The following LARP4B variants were observed in gnomAD, a reference collection of about 807,000 sequenced individuals.
The protein encoded by LARP4B is La ribonucleoprotein 4B.
In LARP4B, 12 loss-of-function variants were observed where a neutral mutation model predicts 89.8. The ratio of observed to expected loss-of-function variants is 0.13; its 90% CI spans 0.09 to 0.22. The LOEUF (loss-of-function observed/expected upper bound fraction) is 0.22, where lower values mean the gene tolerates loss of function less well. Among genes scored for constraint, LARP4B ranks in the 10% least tolerant of loss-of-function variants. The pLI, the probability that LARP4B is intolerant of heterozygous loss-of-function variation, is 1.00. For synonymous variants in LARP4B, 367 were observed against 363.3 expected, an observed-to-expected ratio of 1.01 and a Z score of -0.12; for missense variants, 757 against 947.7, an observed-to-expected ratio of 0.80 and a Z score of 2.64.
chr10:872,090 ATGT>A (rs1022313306), intron 3 of LARP4B, among the ~76,000 whole-genome samples: 2 of 152,142 alleles, frequency 1.3e-5, no homozygotes, highest in Non-Finnish European at 2.9e-5. Flanking sequence ...GTCACTGTCC[ATGT>A]TGTTATTTAA....
At chr10:906,755 A>G (rs1836503479) in intron 1 of LARP4B, among the ~76,000 whole-genome samples, 1 of 152,180 alleles carries the variant, frequency 6.6e-6, no homozygotes. Flanking sequence ...CTGATAACCA[A>G]TCTCTCTTAT....
the LARP4B span, among the ~76,000 whole-genome samples, chr10:968,055 A>T: frequency 6.6e-6 from 1 of 152,092 alleles, no homozygotes; most frequent in South Asian, 2.1e-4. Flanking sequence ...ATCCCCTCAT[A>T]TGTGTGGTTC....
the LARP4B span, among the ~76,000 whole-genome samples, chr10:978,004 C>T: frequency 1.3e-5 from 2 of 152,156 alleles, no homozygotes; most frequent in African/African-American, 4.8e-5. Flanking sequence ...TACCCTATCC[C>T]ATAGGCTATT....
At chr10:979,284 T>C in the LARP4B span, among the ~76,000 whole-genome samples, 1 of 152,326 alleles carries the variant, frequency 6.6e-6, no homozygotes, top group East Asian at 1.9e-4. Context: ...TTCAGTGTTG[T>C]GTGTTTTCCA....
At chr10:932,452 C>T (rs1319133527), upstream of LARP4B, among the ~76,000 whole-genome samples, 41 of 126,678 alleles carry the variant, frequency 3.2e-4, no homozygotes, top group African/African-American at 1.2e-3. Context: ...CACCCCACAC[C>T]CGGGACCAAG....
At chr10:948,935 A>G in the LARP4B span, among the ~76,000 whole-genome samples, 1,015 of 152,340 alleles carry the variant, frequency 6.7e-3, 12 homozygotes, top group African/African-American at 0.023. Flanking sequence ...GTTTTTGACC[A>G]TGATGAATAA....
intron 5 of LARP4B, among the ~76,000 whole-genome samples, chr10:850,244 A>G (rs563857031): frequency 6.6e-6 from 1 of 152,366 alleles, no homozygotes; most frequent in South Asian, 2.1e-4. Context: ...CGTTCTAAAT[A>G]GAAGACAAAA....
At chr10:907,256 T>C (rs1470453798) in intron 1 of LARP4B, among the ~76,000 whole-genome samples, 1 of 152,202 alleles carries the variant, frequency 6.6e-6, no homozygotes, top group Non-Finnish European at 1.5e-5. Context: ...TAATTTATTA[T>C]CTTGTGGCAA....
chr10:967,450 CAGA>C, the LARP4B span, among the ~76,000 whole-genome samples: 15 of 152,130 alleles, frequency 9.9e-5, no homozygotes, highest in Non-Finnish European at 1.5e-4. Flanking sequence ...TAAAAACTCT[CAGA>C]AGGTGAAACC....
chr10:884,449 G>C lies in LARP4B; in HGVS notation c.139C>G (p.Gln47Glu), dbSNP rs763541857. 2.8e-5 allele frequency: 44 copies of C among 1,591,290 alleles called. 1 individual carries two copies. The South Asian group carries it at 4.9e-4, about 18-fold the overall frequency. ...SQTSSIPPLSQVPATKVSELN... is the reference protein window; with the variant it reads ...SQTSSIPPLSEVPATKVSELN... ...GATTAATCTCAAAATTGAATTACCT[G>C]ACTCAAAGGTGGGATGGAACTTGTC... The change falls in exon 3 of 18, where the codon CAG becomes GAG. Residue 47 changes from glutamine to glutamate, a missense_variant and splice_region_variant. Gln to Glu is a conservative substitution (Grantham distance 29). Coordinates refer to ENST00000316157, the MANE Select transcript of LARP4B (RefSeq NM_015155.3).
At chr10:974,646 A>T in the LARP4B span, among the ~76,000 whole-genome samples, 1 of 152,216 alleles carries the variant, frequency 6.6e-6, no homozygotes, top group Non-Finnish European at 1.5e-5. Flanking sequence ...CAGAACACAG[A>T]AATGAGGCCA....
chr10:916,238 C>T (rs1031910390), intron 1 of LARP4B, among the ~76,000 whole-genome samples: 3 of 152,104 alleles, frequency 2.0e-5, no homozygotes, highest in Non-Finnish European at 1.5e-5. Flanking sequence ...AACCAAATTT[C>T]CTTGTAAATT....
intron 7 of LARP4B, among the ~76,000 whole-genome samples, chr10:840,305 T>A (rs963944381): frequency 1.3e-5 from 2 of 152,208 alleles, no homozygotes; most frequent in African/African-American, 4.8e-5. Flanking sequence ...CCAACTCACC[T>A]GCCCCCATGA....
chr10:934,743 A>G (rs1285343651), upstream of LARP4B, among the ~76,000 whole-genome samples: 2 of 152,306 alleles, frequency 1.3e-5, no homozygotes, highest in Non-Finnish European at 2.9e-5. Context: ...TTCTCAAACC[A>G]TGATCAGATA....
At chr10:984,336 A>G in the LARP4B span, among the ~76,000 whole-genome samples, 1 of 152,252 alleles carries the variant, frequency 6.6e-6, no homozygotes, top group African/African-American at 2.4e-5. Flanking sequence ...AAGCATAAGT[A>G]CATGCATTCC....
chr10:883,628 T>A (rs953136343), intron 3 of LARP4B, among the ~76,000 whole-genome samples: 1 of 151,768 alleles, frequency 6.6e-6, no homozygotes, highest in Non-Finnish European at 1.5e-5. Flanking sequence ...TTTGTTTTTT[T>A]AAAATTCTTC....
At chr10:958,998 G>C in the LARP4B span, among the ~76,000 whole-genome samples, 1 of 152,210 alleles carries the variant, frequency 6.6e-6, no homozygotes, top group African/African-American at 2.4e-5. Flanking sequence ...GAAGAGTGGA[G>C]TCTCTGGGCA....
intron 7 of LARP4B, among the ~76,000 whole-genome samples, chr10:837,220 G>A (rs771562224): frequency 6.6e-6 from 1 of 152,168 alleles, no homozygotes; most frequent in African/African-American, 2.4e-5. Flanking sequence ...CTACAAGAAA[G>A]GTAACTGGTG....
the LARP4B span, among the ~76,000 whole-genome samples, chr10:981,123 C>G: frequency 1.1e-4 from 17 of 152,222 alleles, no homozygotes; most frequent in Admixed American, 3.9e-4. Flanking sequence ...TGCAGCCAAG[C>G]TCTTTGCTAA....
Sources: gnomAD v4.1 joint callset for allele counts (sites outside exome capture counted in the v4.1 genomes callset) on GRCh38, gnomAD v4.1.1 for gene constraint, MANE v1.5 for transcripts, NCBI Gene and HGNC (gene_info 2026-07-23, HGNC 2026-07-21) for gene names.